The following SAXO5 variants were observed in gnomAD, a reference collection of about 807,000 sequenced individuals.
SAXO5 encodes stabilizer of axonemal microtubules 5, also known as testis expressed 45.
At chr19:7,506,194 TGGAGCCCCGCCCCG>T in the SAXO5 span, 3 of 1,516,984 alleles carry the variant, frequency 2.0e-6, no homozygotes, top group Non-Finnish European at 2.7e-6. Context: ...CCCCGCCCCA[TGGAGCCCCGCCCCG>T]GGAAGCCCCA....
the SAXO5 span, chr19:7,505,580 C>A: frequency 3.7e-6 from 6 of 1,614,056 alleles, no homozygotes; most frequent in East Asian, 1.3e-4. Context: ...AATTGGTGCC[C>A]CGGCCCCGGC....
chr19:7,504,259 G>A, the SAXO5 span: 1 of 1,613,448 alleles, frequency 6.2e-7, no homozygotes, highest in Non-Finnish European at 8.5e-7. Flanking sequence ...GCAGGCGGGG[G>A]CAGAATTGGG....
the SAXO5 span, chr19:7,505,974 C>T: frequency 2.5e-6 from 4 of 1,585,124 alleles, no homozygotes; most frequent in Non-Finnish European, 2.6e-6. Context: ...CCGCCACCCC[C>T]GACCCAGCCA....
the SAXO5 span, chr19:7,501,203 C>T: frequency 6.5e-7 from 1 of 1,540,278 alleles, no homozygotes; most frequent in Non-Finnish European, 8.7e-7. Context: ...GCCTCTCCAA[C>T]GCGCACGCCG....
chr19:7,501,252 C>T, the SAXO5 span: 1 of 1,565,990 alleles, frequency 6.4e-7, no homozygotes, highest in South Asian at 1.1e-5. Flanking sequence ...CACCCGAGAG[C>T]GGATCCGCGG....
the SAXO5 span, chr19:7,501,370 C>T: frequency 6.6e-7 from 1 of 1,510,050 alleles, no homozygotes; most frequent in Non-Finnish European, 8.8e-7. Context: ...GACGCGCGCC[C>T]GCAGCCTCGC....
chr19:7,505,525 GTTC>G, the SAXO5 span: 1 of 1,614,152 alleles, frequency 6.2e-7, no homozygotes, highest in Non-Finnish European at 8.5e-7. Context: ...AGAGCCTTTT[GTTC>G]TTCACCACGA....
At chr19:7,499,930 A>ATT in the SAXO5 span, 2 of 46,958 alleles carry the variant, frequency 4.3e-5, no homozygotes, top group Admixed American at 2.3e-4. Context: ...CACTTGTCTA[A>ATT]TTTGTGTGTG....
At chr19:7,504,195 C>G in the SAXO5 span, 1 of 1,614,052 alleles carries the variant, frequency 6.2e-7, no homozygotes, top group Admixed American at 1.7e-5. Flanking sequence ...CCAGGCCCTG[C>G]CAGGCCCACC....
At chr19:7,507,140 G>A in the SAXO5 span, 10 of 1,613,608 alleles carry the variant, frequency 6.2e-6, no homozygotes, top group South Asian at 3.3e-5. Context: ...ATGCTACAGC[G>A]GGTAAGGGAG....
the SAXO5 span, chr19:7,508,349 G>A: frequency 1.9e-6 from 3 of 1,613,878 alleles, no homozygotes; most frequent in Non-Finnish European, 2.5e-6. Flanking sequence ...CCCTGGGCAC[G>A]CCTCACCAGC....
chr19:7,506,817 T>C, the SAXO5 span: 1 of 344,330 alleles, frequency 2.9e-6, no homozygotes, highest in Non-Finnish European at 5.6e-6. Context: ...CTCCTCCCTC[T>C]TCCCCAGCGC....
the SAXO5 span, chr19:7,505,243 A>C: frequency 7.2e-7 from 1 of 1,381,568 alleles, no homozygotes; most frequent in South Asian, 1.2e-5. Context: ...TCAGCCTCCC[A>C]AAGTGCTGAG....
the SAXO5 span, chr19:7,505,941 T>A: frequency 6.5e-7 from 1 of 1,544,376 alleles, no homozygotes; most frequent in South Asian, 1.2e-5. Context: ...GCCGGAGCTT[T>A]CAAATGCCAT....
chr19:7,501,093 A>G, the SAXO5 span: 1 of 1,500,356 alleles, frequency 6.7e-7, no homozygotes, highest in Non-Finnish European at 8.8e-7. Context: ...GCCGCCATCC[A>G]CGCCGCCGTG....
At chr19:7,498,362 T>TGCC in the SAXO5 span, among the ~76,000 whole-genome samples, 1 of 148,972 alleles carries the variant, frequency 6.7e-6, no homozygotes, top group Non-Finnish European at 1.5e-5. Flanking sequence ...AGGTGCATAC[T>TGCC]ACCATGCCCA....
chr19:7,503,533 G>A, the SAXO5 span, among the ~76,000 whole-genome samples: 3 of 151,428 alleles, frequency 2.0e-5, no homozygotes, highest in South Asian at 6.3e-4. Flanking sequence ...GGCCCAGGCT[G>A]GAGTGCAGTG....
At chr19:7,499,195 C>G in the SAXO5 span, among the ~76,000 whole-genome samples, 1 of 152,040 alleles carries the variant, frequency 6.6e-6, no homozygotes, top group East Asian at 1.9e-4. Context: ...ACCTGTTATC[C>G]CAGCTACTTG....
At chr19:7,499,733 AGGC>A in the SAXO5 span, 1 of 152,244 alleles carries the variant, frequency 6.6e-6, no homozygotes, top group Non-Finnish European at 1.5e-5. Flanking sequence ...GCACTTTGGG[AGGC>A]TGAGGCAGAA....
Sources: gnomAD v4.1 joint callset for allele counts (sites outside exome capture counted in the v4.1 genomes callset) on GRCh38, gnomAD v4.1.1 for gene constraint, MANE v1.5 for transcripts, NCBI Gene and HGNC (gene_info 2026-07-23, HGNC 2026-07-21) for gene names.